Variants in PRTFDC1 observed in about 807,000 individuals in gnomAD.
The protein encoded by PRTFDC1 is phosphoribosyltransferase domain-containing protein 1.
A neutral mutation model predicts 34.6 loss-of-function variants in PRTFDC1; 38 were observed. The observed-to-expected ratio is 1.10, with a 90% CI of 0.85 to 1.44. PRTFDC1 has a LOEUF of 1.44. Among genes scored for constraint, PRTFDC1 ranks in the 40% most tolerant of loss-of-function variants. The pLI is 0.00. For missense variants in PRTFDC1, 270 were observed against 283.0 expected (o/e 0.95, Z 0.33); for synonymous variants, 93 against 98.1 (o/e 0.95, Z 0.31).
intron 3 of PRTFDC1, chr10:24,908,918 T>C: frequency 1.8e-6 from 1 of 544,906 alleles, no homozygotes; most frequent in Non-Finnish European, 3.1e-6. Flanking sequence ...AAATGTAAAG[T>C]CTCATCCTAG....
At chr10:24,913,219 G>A (rs1848651696) in intron 3 of PRTFDC1, among the ~76,000 whole-genome samples, 1 of 152,196 alleles carries the variant, frequency 6.6e-6, no homozygotes, top group African/African-American at 2.4e-5. Flanking sequence ...TGCCAAAGCT[G>A]AGATAACCTT....
chr10:24,855,186 T>C (rs1184201981), intron 7 of PRTFDC1, 132 bp downstream of exon 7: 1 of 807,136 alleles, frequency 1.2e-6, no homozygotes, highest in Non-Finnish European at 1.9e-6. Context: ...TCCGTGGGAC[T>C]ATCAGCCCTA....
intron 3 of PRTFDC1, among the ~76,000 whole-genome samples, chr10:24,902,323 A>C (rs994020171): frequency 6.6e-6 from 1 of 151,896 alleles, no homozygotes. Context: ...GATGCCAATG[A>C]CTCACTATTA....
chr10:24,858,503 T>C, intron 4 of PRTFDC1, 94 bp from the exon 5 acceptor site: 1 of 1,293,052 alleles, frequency 7.7e-7, no homozygotes, highest in South Asian at 1.2e-5. Context: ...AATTTCACAA[T>C]TTACTTAGAC....
Position 24,899,155 on chromosome 10 carries a change from T to C in PRTFDC1, c.340-27092A>G, listed in dbSNP as rs556304383. On this transcript the variant is annotated intron_variant, in intron 3 of 8. Coordinates refer to ENST00000320152, the MANE Select transcript of PRTFDC1 (RefSeq NM_020200.7). ...ATCAAGTGCTGTGACCAAGGGGCCA[T>C]GTGGATCTCCTATGAGAGCAGTGGA... Among the ~76,000 whole-genome samples the C allele has an allele frequency of 3.3e-5, 5 of 152,312 alleles. No homozygotes were observed. In the South Asian group the frequency reaches 8.3e-4, roughly 25 times the overall value.
At chr10:24,946,794 A>G (rs1360792078) in intron 1 of PRTFDC1, among the ~76,000 whole-genome samples, 3 of 152,234 alleles carry the variant, frequency 2.0e-5, no homozygotes, top group Non-Finnish European at 4.4e-5. Flanking sequence ...TAATTCATCT[A>G]AAGAAGTGCC....
At chr10:24,928,606 G>A (rs992012822) in intron 3 of PRTFDC1, among the ~76,000 whole-genome samples, 4 of 152,136 alleles carry the variant, frequency 2.6e-5, no homozygotes, top group Admixed American at 2.0e-4. Context: ...ACCACGCCCA[G>A]CTAATTTTTG....
Position 24,937,103 on chromosome 10 carries a change from C to T in PRTFDC1, c.339+81G>A, listed in dbSNP as rs11014310. ...CTCCATTTTTAAAAATTGCACTCTTCATTTTCATAACATTATTGATTCTTT... is the reference window on the plus strand; with the variant it reads ...CTCCATTTTTAAAAATTGCACTCTTTATTTTCATAACATTATTGATTCTTT... On this transcript the variant is annotated intron_variant, in intron 3 of 8. Transcript: ENST00000320152. 3,384 of 1,321,938 alleles carry T rather than the reference C, an allele frequency of 2.6e-3. 79 individuals carry two copies. In the African/African-American group the frequency reaches 0.045, roughly 17 times the overall value. 81.9% of individuals were successfully genotyped at this position (1,321,938 alleles called of 1,614,324 possible). A position where few individuals can be genotyped will look rare whatever the true frequency, so the allele number is the denominator to read the frequency against.
intron 3 of PRTFDC1, among the ~76,000 whole-genome samples, chr10:24,912,934 A>C (rs1283225677): frequency 3.9e-5 from 6 of 152,066 alleles, no homozygotes; most frequent in Non-Finnish European, 8.8e-5. Context: ...TCGCCTTTCC[A>C]CTCAAAAACT....
intron 3 of PRTFDC1, among the ~76,000 whole-genome samples, chr10:24,902,391 G>T (rs200257093): frequency 6.6e-6 from 1 of 152,180 alleles, no homozygotes; most frequent in East Asian, 1.9e-4. Flanking sequence ...CTTCAGTACA[G>T]TTGATCATCT....
intron 7 of PRTFDC1, among the ~76,000 whole-genome samples, chr10:24,852,723 G>A (rs1847511144): frequency 6.6e-6 from 1 of 152,186 alleles, no homozygotes; most frequent in Admixed American, 6.5e-5. Context: ...AATCTTACAG[G>A]TTTGTTTATT....
intron 3 of PRTFDC1, among the ~76,000 whole-genome samples, chr10:24,917,848 G>T (rs184915373): frequency 6.6e-6 from 1 of 152,262 alleles, no homozygotes; most frequent in African/African-American, 2.4e-5. Context: ...CTCATTGGTG[G>T]GGGCTACGAG....
At chr10:24,871,837 GT>G (rs1847873531) in intron 4 of PRTFDC1, among the ~76,000 whole-genome samples, 160 bp downstream of exon 4, 1 of 152,132 alleles carries the variant, frequency 6.6e-6, no homozygotes. Context: ...TAAAAAGAAT[GT>G]TTTAGAAAGG....
At chr10:24,866,055 C>T (rs572832521) in intron 4 of PRTFDC1, among the ~76,000 whole-genome samples, 1 of 152,184 alleles carries the variant, frequency 6.6e-6, no homozygotes, top group African/African-American at 2.4e-5. Flanking sequence ...CGATGCTTCA[C>T]TCTGGCATTT....
At chr10:24,908,468 C>A in intron 3 of PRTFDC1, 1 of 1,603,110 alleles carries the variant, frequency 6.2e-7, no homozygotes, top group Non-Finnish European at 8.5e-7. Flanking sequence ...CTAGAATGGT[C>A]CAGGTGCTAC....
intron 3 of PRTFDC1, among the ~76,000 whole-genome samples, chr10:24,920,317 GTA>G (rs143760625): frequency 3.3e-5 from 5 of 150,258 alleles, no homozygotes; most frequent in Admixed American, 1.3e-4. Context: ...ATATGTGTGT[GTA>G]TATATATATA....
chr10:24,909,398 TG>T (rs1399238606), intron 3 of PRTFDC1, among the ~76,000 whole-genome samples: 1 of 152,218 alleles, frequency 6.6e-6, no homozygotes, highest in Non-Finnish European at 1.5e-5. Flanking sequence ...CCTTATCTCA[TG>T]GTCCAGCTTT....
chr10:24,909,996 CAA>C (rs35102911), intron 3 of PRTFDC1, among the ~76,000 whole-genome samples: 28,546 of 134,924 alleles, frequency 0.21, 3,950 homozygotes, highest in African/African-American at 0.41. Flanking sequence ...ATTAAAAATA[CAA>C]AAAAAAAAAA....
At chr10:24,920,583 G>A (rs1480327688) in intron 3 of PRTFDC1, among the ~76,000 whole-genome samples, 1 of 152,090 alleles carries the variant, frequency 6.6e-6, no homozygotes, top group East Asian at 1.9e-4. Context: ...CACATGTGGG[G>A]CTTAATACCT....
Sources: gnomAD v4.1 joint callset for allele counts (sites outside exome capture counted in the v4.1 genomes callset) on GRCh38, gnomAD v4.1.1 for gene constraint, MANE v1.5 for transcripts, NCBI Gene and HGNC (gene_info 2026-07-23, HGNC 2026-07-21) for gene names.